Variants in VSTM1 observed in about 807,000 individuals in gnomAD.
The protein encoded by VSTM1 is V-set and transmembrane domain containing 1, also known as V-set and transmembrane domain-containing protein 1.
A neutral mutation model predicts 33.1 loss-of-function variants in VSTM1; 27 were observed. The ratio of observed to expected loss-of-function variants is 0.82; its 90% CI spans 0.60 to 1.12. The LOEUF is 1.12. Ranked by LOEUF, VSTM1 falls within the 50% of genes most tolerant of loss-of-function variation. The pLI is 0.00. For missense variants in VSTM1, 304 were observed against 288.9 expected (o/e 1.05, Z -0.38); for synonymous variants, 115 against 110.3 (o/e 1.04, Z -0.27).
rs1450947248 is a variant in VSTM1, at chr19:54,053,001, A to AAG, written c.356-1554_356-1553insCT. 1.2e-5 allele frequency: 2 copies of AAG among 167,980 alleles called. 1 individual carries two copies. Among genetic ancestry groups the AAG allele is most frequent in the Non-Finnish European group, 2.5e-5 (2 of 79,666 alleles). 10.4% of individuals were successfully genotyped at this position (167,980 alleles called of 1,614,324 possible). A position where few individuals can be genotyped will look rare whatever the true frequency, so the allele number is the denominator to read the frequency against. On this transcript the variant is annotated intron_variant, in intron 3 of 8. Coordinates refer to ENST00000338372, the MANE Select transcript of VSTM1 (RefSeq NM_198481.4). Reference sequence around the variant, plus strand: ...TGTCTCAAAAAAAAAAAAAAAAAAAAAAGCAGCCAGTGACCCTTCCAGCAT... The same window carrying AAG: ...TGTCTCAAAAAAAAAAAAAAAAAAAAAGAAGCAGCCAGTGACCCTTCCAGCAT...
At chr19:54,051,891 G>C (rs1256900770) in intron 3 of VSTM1, among the ~76,000 whole-genome samples, 2 of 151,992 alleles carry the variant, frequency 1.3e-5, no homozygotes, top group Non-Finnish European at 2.9e-5. Flanking sequence ...CTTCCAAGTA[G>C]CTGGGACTAC....
intron 4 of VSTM1, among the ~76,000 whole-genome samples, chr19:54,048,036 A>G (rs2070679780): frequency 6.6e-6 from 1 of 152,208 alleles, no homozygotes; most frequent in Non-Finnish European, 1.5e-5. Flanking sequence ...GCGATTGAAC[A>G]TAGAGTCGTT....
chr19:54,054,842 T>C, intron 3 of VSTM1, among the ~76,000 whole-genome samples: 1 of 95,330 alleles, frequency 1.0e-5, no homozygotes, highest in Admixed American at 1.1e-4. Flanking sequence ...GATTAATGGA[T>C]AGATGAATGG....
intron 3 of VSTM1, among the ~76,000 whole-genome samples, chr19:54,057,808 CA>C (rs74589305): frequency 3.7e-3 from 435 of 116,856 alleles, no homozygotes; most frequent in Middle Eastern, 0.024. Context: ...GACTCCCTCT[CA>C]AAAAAAAAAA....
rs1404329276 is a variant in VSTM1, at chr19:54,052,385, C to A, written c.356-937G>T. Among the ~76,000 whole-genome samples, 14 of 131,492 alleles carry A rather than the reference C, an allele frequency of 1.1e-4. 1 individual carries two copies. Among genetic ancestry groups the A allele is most frequent in the Admixed American group, 3.9e-4 (5 of 12,760 alleles). The allele number at this position is 131,492 out of a possible 152,430, so 86.3% of individuals were successfully genotyped here. On this transcript the variant is annotated intron_variant, in intron 3 of 8. Coordinates refer to ENST00000338372, the MANE Select transcript of VSTM1 (RefSeq NM_198481.4). ...TGCACTCCAGCCTGAGGGACAGAGC[C>A]AGACTCCGTCTCAAAAAAAAAATAA... is the stretch of plus-strand genomic sequence containing the variant.
rs150888529 is a variant in VSTM1 at position 54,044,893 on chromosome 19, C to T, written c.395-2524G>A. 5.8e-3 allele frequency among the ~76,000 whole-genome samples: 880 copies of T among 152,106 alleles called. 4 individuals carry two copies. The highest frequency in any genetic ancestry group is 0.02 in the African/African-American group (829 of 41,532). On this transcript the variant is annotated intron_variant, in intron 4 of 8. Transcript: ENST00000338372. ...CTTGGCACTTTAGATTCAAGAAACA[C>T]AAGTCGTGAGACTTTAAGGAGTAAG...
chr19:54,045,152 CTA>C (rs2070508129), intron 4 of VSTM1, among the ~76,000 whole-genome samples: 1 of 152,274 alleles, frequency 6.6e-6, no homozygotes, highest in South Asian at 2.1e-4. Flanking sequence ...ACTTGGTTCG[CTA>C]TGTTTGCATT....
At chr19:54,059,972 C>T (rs1252714622) in intron 1 of VSTM1, among the ~76,000 whole-genome samples, 6 of 150,972 alleles carry the variant, frequency 4.0e-5, no homozygotes, top group Non-Finnish European at 5.9e-5. Flanking sequence ...CTCGGCCTCC[C>T]GAGTAGCTGG....
chr19:54,041,865 G>A, intron 7 of VSTM1, 49 bp from the exon 8 acceptor site: 2 of 1,613,948 alleles, frequency 1.2e-6, no homozygotes, highest in Non-Finnish European at 8.5e-7. Flanking sequence ...GCAGAAGTCA[G>A]AACTTAGTCT....
intron 3 of VSTM1, among the ~76,000 whole-genome samples, 173 bp downstream of exon 3, chr19:54,058,133 G>A (rs35506340): frequency 0.058 from 8,843 of 151,468 alleles, 346 homozygotes; most frequent in East Asian, 0.12. Flanking sequence ...CCAGCTACTC[G>A]GGAGGCTGAG....
intron 7 of VSTM1, 30 bp from the exon 8 acceptor site, chr19:54,041,846 T>G (rs1345780888): frequency 1.9e-6 from 3 of 1,613,132 alleles, no homozygotes; most frequent in Non-Finnish European, 2.5e-6. Context: ...AAAAAATCAG[T>G]TCTCAGCTGC....
At chr19:54,061,019 T>TC (rs1451592777) in intron 1 of VSTM1, among the ~76,000 whole-genome samples, 5 of 142,312 alleles carry the variant, frequency 3.5e-5, no homozygotes, top group Non-Finnish European at 4.6e-5. Flanking sequence ...TTCTTTTCTT[T>TC]TTTTTTTTTT....
intron 1 of VSTM1, among the ~76,000 whole-genome samples, chr19:54,060,910 C>T (rs765409750): frequency 1.3e-5 from 2 of 151,922 alleles, no homozygotes; most frequent in East Asian, 3.8e-4. Flanking sequence ...AGGCTGGTCT[C>T]GAACACCTGA....
At chr19:54,050,067 C>T (rs892909815) in intron 4 of VSTM1, among the ~76,000 whole-genome samples, 5 of 138,624 alleles carry the variant, frequency 3.6e-5, no homozygotes, top group East Asian at 2.1e-4. Context: ...GGTGTAATCT[C>T]GGCTCACTGC....
chr19:54,058,666 G>A, intron 2 of VSTM1, 31 bp downstream of exon 2: 1 of 1,613,746 alleles, frequency 6.2e-7, no homozygotes, highest in Non-Finnish European at 8.5e-7. Flanking sequence ...GTGGGATGCA[G>A]GAATAAAAGT....
At chr19:54,063,612 G>C in intron 1 of VSTM1, 132 bp downstream of exon 1, 1 of 1,158,956 alleles carries the variant, frequency 8.6e-7, no homozygotes, top group Non-Finnish European at 1.3e-6. Context: ...CCACAGCCCA[G>C]ACCCACCCAC....
chr19:54,056,745 C>T lies in VSTM1; in HGVS notation c.355+1561G>A, dbSNP rs74504596. ...TTTTCTATTAACTGACCATATTCTA[C>T]ACCACCCTCCCACATCCACATCATT... On this transcript the variant is annotated intron_variant, in intron 3 of 8. Transcript: ENST00000338372. 2.4e-3 allele frequency among the ~76,000 whole-genome samples: 341 copies of T among 141,558 alleles called. 55 individuals are homozygous for T. The highest frequency in any genetic ancestry group is 7.0e-3 in the Middle Eastern group (2 of 284). 92.9% of individuals were successfully genotyped at this position (141,558 alleles called of 152,430 possible). A position where few individuals can be genotyped will look rare whatever the true frequency, so the allele number is the denominator to read the frequency against.
Position 54,061,297 on chromosome 19 carries a change from C to T in VSTM1, c.34+2447G>A, listed in dbSNP as rs145169926. ...CCTCCCAAAGTCCTGAGATTACAGG[C>T]GTGAGCCACCACACCTGGCTGATTT... On this transcript the variant is annotated intron_variant, in intron 1 of 8. Transcript: ENST00000338372. Among the ~76,000 whole-genome samples, 895 of 152,234 alleles carry T rather than the reference C, an allele frequency of 5.9e-3. 7 individuals are homozygous for T. Among genetic ancestry groups the T allele is most frequent in the African/African-American group, 0.02 (839 of 41,542 alleles).
At chr19:54,047,126 C>T (rs1379978048) in intron 4 of VSTM1, among the ~76,000 whole-genome samples, 3 of 151,800 alleles carry the variant, frequency 2.0e-5, no homozygotes, top group Admixed American at 6.6e-5. Context: ...ACCTGGTAGG[C>T]GGAGGTTGCA....
Sources: gnomAD v4.1 joint callset for allele counts (sites outside exome capture counted in the v4.1 genomes callset) on GRCh38, gnomAD v4.1.1 for gene constraint, MANE v1.5 for transcripts, NCBI Gene and HGNC (gene_info 2026-07-23, HGNC 2026-07-21) for gene names.